Variants in ARHGEF3 observed in about 807,000 individuals in gnomAD.
ARHGEF3 encodes Rho guanine nucleotide exchange factor 3.
A neutral mutation model predicts 63.2 loss-of-function variants in ARHGEF3; 28 were observed. The observed-to-expected ratio is 0.44, with a 90% CI of 0.33 to 0.61. The LOEUF (loss-of-function observed/expected upper bound fraction) is 0.61. Ranked by LOEUF, ARHGEF3 falls within the 20% of genes least tolerant of loss-of-function variation. The pLI is 0.03. For synonymous variants in ARHGEF3, 266 were observed against 254.2 expected, an observed-to-expected ratio of 1.05 and a Z score of -0.44; for missense variants, 533 against 659.3, an observed-to-expected ratio of 0.81 and a Z score of 2.10.
At chr3:56,804,533 G>C (rs1343457049), upstream of ARHGEF3, among the ~76,000 whole-genome samples, 1 of 152,146 alleles carries the variant, frequency 6.6e-6, no homozygotes, top group Non-Finnish European at 1.5e-5. Flanking sequence ...AGAAAGAATT[G>C]GGCCCTGTGT....
intron 3 of ARHGEF3, among the ~76,000 whole-genome samples, chr3:56,898,144 T>C (rs1197541206): frequency 6.6e-6 from 1 of 152,162 alleles, no homozygotes; most frequent in Non-Finnish European, 1.5e-5. Context: ...CCTCAAAGTC[T>C]TGGGATTATA....
intron 2 of ARHGEF3, among the ~76,000 whole-genome samples, chr3:56,979,148 T>C (rs1701231242): frequency 6.6e-6 from 1 of 152,196 alleles, no homozygotes. Flanking sequence ...AGTGAGACCT[T>C]ACCTCTAAAA....
intron 3 of ARHGEF3, chr3:56,938,670 T>C (rs767334667): frequency 6.6e-6 from 1 of 152,242 alleles, no homozygotes; most frequent in South Asian, 2.1e-4. Context: ...TCTAGCCTCA[T>C]GTGTCTTCTG....
intron 1 of ARHGEF3, among the ~76,000 whole-genome samples, chr3:56,800,453 G>T (rs2107964074): frequency 6.6e-6 from 1 of 152,352 alleles, no homozygotes; most frequent in South Asian, 2.1e-4. Flanking sequence ...GAGCTGGAGT[G>T]TAGGGTTGGG....
intron 1 of ARHGEF3, among the ~76,000 whole-genome samples, chr3:57,052,185 G>A (rs17825666): frequency 0.15 from 22,726 of 146,842 alleles, 2,064 homozygotes; most frequent in Non-Finnish European, 0.22. Context: ...GCCCAAGGCC[G>A]CCAGCCAGCG....
chr3:56,995,649 GA>G (rs1350033562), intron 2 of ARHGEF3, among the ~76,000 whole-genome samples: 3 of 125,594 alleles, frequency 2.4e-5, no homozygotes, highest in African/African-American at 8.8e-5. Flanking sequence ...GAGAGAGAGA[GA>G]GAGAGAGAGA....
Position 56,801,616 on chromosome 3 carries a change from C to T in ARHGEF3, c.96+87G>A, listed in dbSNP as rs567732746. On this transcript the variant is annotated intron_variant, in intron 1 of 9. Coordinates refer to ENST00000296315, the MANE Select transcript of ARHGEF3 (RefSeq NM_019555.3). ...TGAGAGATGGAAACAGAGACAGTGACACTGGACGGGCGCCGAGAATGGGAG... is the reference window on the plus strand; with the variant it reads ...TGAGAGATGGAAACAGAGACAGTGATACTGGACGGGCGCCGAGAATGGGAG... 1.9e-5 allele frequency: 28 copies of T among 1,476,484 alleles called. No individual in the cohort carries two copies. In the South Asian group the frequency reaches 3.5e-4, roughly 18 times the overall value. 91.5% of individuals were successfully genotyped at this position (1,476,484 alleles called of 1,614,324 possible). A position where few individuals can be genotyped will look rare whatever the true frequency, so the allele number is the denominator to read the frequency against.
At chr3:56,843,837 T>A (rs890183794) in intron 4 of ARHGEF3, among the ~76,000 whole-genome samples, 1 of 152,162 alleles carries the variant, frequency 6.6e-6, no homozygotes, top group Non-Finnish European at 1.5e-5. Flanking sequence ...CTGCCACTAA[T>A]TTCAGGAAAA....
chr3:56,794,581 A>G (rs909983949), intron 1 of ARHGEF3, among the ~76,000 whole-genome samples: 6 of 151,768 alleles, frequency 4.0e-5, no homozygotes, highest in Admixed American at 3.3e-4. Context: ...CATCATCTAT[A>G]CTGAACACAG....
At chr3:57,015,917 C>T (rs1196610615) in intron 2 of ARHGEF3, among the ~76,000 whole-genome samples, 2 of 152,068 alleles carry the variant, frequency 1.3e-5, no homozygotes, top group African/African-American at 4.8e-5. Flanking sequence ...GCAGCACTGG[C>T]AATGATGAAC....
intron 2 of ARHGEF3, among the ~76,000 whole-genome samples, chr3:57,014,074 G>A (rs757768918): frequency 8.5e-5 from 13 of 152,072 alleles, no homozygotes; most frequent in South Asian, 2.1e-4. Context: ...TAAAGCCAGC[G>A]AGACCACGAA....
At position 56,729,227 on chromosome 3, in the gene ARHGEF3, C is replaced by G. The variant is rs542954459; in HGVS notation, c.*43G>C. ...CCATCTGTGGAATGCAAATACTGTA[C>G]AGGTAAGATGCAGGCCTGCTTCCCG... On this transcript the variant is annotated 3_prime_UTR_variant, in exon 10 of 10. Transcript: ENST00000296315. 2.6e-6 allele frequency: 4 copies of G among 1,540,204 alleles called. No individual in the cohort carries two copies. The South Asian group carries it at 4.9e-5, about 19-fold the overall frequency.
intron 3 of ARHGEF3, among the ~76,000 whole-genome samples, chr3:56,944,421 T>C (rs1699358846): frequency 6.6e-6 from 1 of 152,084 alleles, no homozygotes; most frequent in African/African-American, 2.4e-5. Context: ...GACTTCCGTG[T>C]TGGAAGTCAC....
At chr3:56,730,707 T>C (rs2033087909) in intron 9 of ARHGEF3, among the ~76,000 whole-genome samples, 1 of 152,164 alleles carries the variant, frequency 6.6e-6, no homozygotes, top group Non-Finnish European at 1.5e-5. Flanking sequence ...AACAATATAA[T>C]GGACATTTAA....
chr3:56,878,359 T>C (rs2040657511), intron 4 of ARHGEF3, among the ~76,000 whole-genome samples: 1 of 152,144 alleles, frequency 6.6e-6, no homozygotes, highest in South Asian at 2.1e-4. Flanking sequence ...AAAGTGTACG[T>C]TGCTTTTTAT....
At chr3:56,824,685 G>A (rs1390760790) in intron 4 of ARHGEF3, among the ~76,000 whole-genome samples, 1 of 152,218 alleles carries the variant, frequency 6.6e-6, no homozygotes, top group Non-Finnish European at 1.5e-5. Context: ...CTGATGACCA[G>A]CTTGGTCAGC....
At chr3:57,043,349 T>A (rs1704308983) in intron 1 of ARHGEF3, among the ~76,000 whole-genome samples, 1 of 151,964 alleles carries the variant, frequency 6.6e-6, no homozygotes, top group Non-Finnish European at 1.5e-5. Flanking sequence ...ACTCCTGACC[T>A]CGTGATCCTC....
intron 1 of ARHGEF3, chr3:57,060,533 C>T (rs891220560): frequency 6.6e-6 from 1 of 152,310 alleles, no homozygotes; most frequent in Non-Finnish European, 1.5e-5. Context: ...CTCACAGCAG[C>T]AGCAGCCTCT....
intron 4 of ARHGEF3, among the ~76,000 whole-genome samples, chr3:56,848,616 A>G (rs2039567645): frequency 6.6e-6 from 1 of 152,222 alleles, no homozygotes; most frequent in African/African-American, 2.4e-5. Context: ...ACACAGTCTT[A>G]CATATACACC....
Sources: gnomAD v4.1 joint callset for allele counts (sites outside exome capture counted in the v4.1 genomes callset) on GRCh38, gnomAD v4.1.1 for gene constraint, MANE v1.5 for transcripts, NCBI Gene and HGNC (gene_info 2026-07-23, HGNC 2026-07-21) for gene names.